Variants in IQGAP2 observed in about 807,000 individuals in gnomAD.
IQGAP2 encodes the protein ras GTPase-activating-like protein IQGAP2.
IQGAP2 carries 173 observed loss-of-function variants against 201.3 expected under a neutral mutation model. That is an observed-to-expected ratio of 0.86 (90% CI 0.76 to 0.98). IQGAP2 has a LOEUF of 0.98. Ranked by LOEUF, IQGAP2 falls within the 50% of genes least tolerant of loss-of-function variation. IQGAP2 has a pLI of 0.00. For missense variants in IQGAP2, 1,687 were observed against 1,864.8 expected (o/e 0.90, Z 1.76); for synonymous variants, 675 against 673.9 (o/e 1.00, Z -0.03).
intron 13 of IQGAP2, chr5:76,623,288 C>T: frequency 6.3e-7 from 1 of 1,583,230 alleles, no homozygotes; most frequent in African/African-American, 1.3e-5. Context: ...TCATGGAGCA[C>T]AATTTCACCT....
At chr5:76,702,335 A>G (rs1747476595) in intron 34 of IQGAP2, 147 bp from the exon 35 acceptor site, 6 of 571,570 alleles carry the variant, frequency 1.0e-5, no homozygotes, top group Non-Finnish European at 1.9e-5. Context: ...TGGGGGAAAG[A>G]TGACGTGAGG....
chr5:76,538,257 G>T (rs1257751082), intron 2 of IQGAP2, among the ~76,000 whole-genome samples: 1 of 152,198 alleles, frequency 6.6e-6, no homozygotes, highest in Non-Finnish European at 1.5e-5. Flanking sequence ...CCGCCTCCAT[G>T]ATCCAATTAC....
intron 31 of IQGAP2, 127 bp downstream of exon 31, chr5:76,693,569 T>G (rs1020819285): frequency 1.4e-5 from 9 of 652,430 alleles, no homozygotes; most frequent in Admixed American, 8.7e-5. Context: ...GAATTTTATC[T>G]ATTACTGCAG....
At chr5:76,661,611 C>A (rs1743255743) in intron 21 of IQGAP2, among the ~76,000 whole-genome samples, 1 of 152,104 alleles carries the variant, frequency 6.6e-6, no homozygotes, top group African/African-American at 2.4e-5. Context: ...TGTTTCTTAA[C>A]CTCTCTCTGA....
At position 76,653,581 on chromosome 5, in the gene IQGAP2, A is replaced by T. The variant is rs530910758; in HGVS notation, c.2179-619A>T. Among the ~76,000 whole-genome samples, 17 of 152,254 alleles carry T rather than the reference A, an allele frequency of 1.1e-4. No homozygotes were observed. The South Asian group carries it at 3.5e-3, about 32-fold the overall frequency. On this transcript the variant is annotated intron_variant, in intron 18 of 35. Transcript: ENST00000274364. ...AGACCAGCCTGGGTAACATAGGGGG[A>T]CCTCATTTGTATTTTAAAAAATAAT...
intron 17 of IQGAP2, among the ~76,000 whole-genome samples, chr5:76,645,249 T>C (rs942355406): frequency 2.0e-5 from 3 of 151,816 alleles, no homozygotes; most frequent in South Asian, 2.1e-4. Flanking sequence ...CAGTCTGTCA[T>C]TGATGGGCAT....
At chr5:76,698,451 T>A (rs1746960466) in intron 33 of IQGAP2, among the ~76,000 whole-genome samples, 1 of 152,200 alleles carries the variant, frequency 6.6e-6, no homozygotes, top group African/African-American at 2.4e-5. Flanking sequence ...AGCCAAAGAT[T>A]TTTTTAAATA....
rs769416675 is a variant in IQGAP2 at position 76,461,620 on chromosome 5, C to A, written c.97C>A (p.Arg33=). The change falls in exon 2 of 36, where the codon CGG becomes AGG. Residue 33 remains arginine (R), a synonymous_variant. Transcript: ENST00000274364. ...TGCAGAGGAGATGGATGAGAGGAGG[C>A]GGCAGAACATTGCTTATGAATATCT... is the stretch of plus-strand genomic sequence containing the variant. ...LSAEEMDERR[R]QNIAYEYLCH... 6.2e-7 allele frequency: 1 copy of A among 1,613,880 alleles called. No homozygotes were observed. Among genetic ancestry groups the A allele is most frequent in the South Asian group, 1.1e-5 (1 of 91,076 alleles).
At chr5:76,488,371 T>C (rs1202633692) in intron 2 of IQGAP2, among the ~76,000 whole-genome samples, 2 of 152,224 alleles carry the variant, frequency 1.3e-5, no homozygotes, top group African/African-American at 4.8e-5. Flanking sequence ...AAATATTCTT[T>C]TTTTAAAAAA....
Position 76,695,602 on chromosome 5 carries a change from T to C in IQGAP2, c.4142T>C (p.Leu1381Ser), listed in dbSNP as rs1746653384. Reference sequence around the variant, plus strand: ...AAAATCCAGAGGAATCTTCGGACGTTGGAACAGACTGGACACGTGTCATCC... The same window carrying C: ...AAAATCCAGAGGAATCTTCGGACGTCGGAACAGACTGGACACGTGTCATCC... ...KRKIQRNLRT[L>S]EQTGHVSSEN... The change falls in exon 32 of 36, where the codon TTG (leucine) becomes TCG (serine). Residue 1381 changes from leucine to serine, a missense_variant. Coordinates refer to ENST00000274364, the MANE Select transcript of IQGAP2 (RefSeq NM_006633.5). 1 of 1,614,198 alleles carries C rather than the reference T, an allele frequency of 6.2e-7. No individual in the cohort carries two copies.
chr5:76,541,454 T>C (rs762319215), intron 2 of IQGAP2, among the ~76,000 whole-genome samples: 3 of 152,230 alleles, frequency 2.0e-5, no homozygotes, highest in Non-Finnish European at 4.4e-5. Context: ...GTGAGTTGTT[T>C]CCATGTTTTG....
chr5:76,529,682 AT>A (rs1210134415), intron 2 of IQGAP2, among the ~76,000 whole-genome samples: 1 of 148,896 alleles, frequency 6.7e-6, no homozygotes. Context: ...AATAATGGTT[AT>A]TTTTAAAGTA....
chr5:76,493,965 G>A (rs1580314943), intron 2 of IQGAP2, among the ~76,000 whole-genome samples: 1 of 152,182 alleles, frequency 6.6e-6, no homozygotes, highest in African/African-American at 2.4e-5. Context: ...ATAATGTGAT[G>A]TAGTATTTGC....
intron 1 of IQGAP2, among the ~76,000 whole-genome samples, chr5:76,430,663 G>A (rs1029853409): frequency 7.9e-5 from 12 of 152,158 alleles, no homozygotes; most frequent in Non-Finnish European, 1.6e-4. Flanking sequence ...TCACTGGAAG[G>A]ACTAAAAAAA....
rs2069642 is a variant in IQGAP2 at position 76,623,860 on chromosome 5, G to A, written c.1522-3550G>A. ...AATGTAATATTGATTTCAGTTTGTC[G>A]TCAGTGCCTGGCCAGAACCTGGCTT... On this transcript the variant is annotated intron_variant, in intron 13 of 35. Coordinates refer to ENST00000274364, the MANE Select transcript of IQGAP2 (RefSeq NM_006633.5). 3.9e-3 allele frequency among the ~76,000 whole-genome samples: 595 copies of A among 151,370 alleles called. 5 individuals carry two copies. Among genetic ancestry groups the A allele is most frequent in the African/African-American group, 0.014 (570 of 41,182 alleles).
intron 4 of IQGAP2, among the ~76,000 whole-genome samples, chr5:76,574,478 C>T (rs1335885220): frequency 6.8e-6 from 1 of 147,984 alleles, no homozygotes; most frequent in African/African-American, 2.6e-5. Flanking sequence ...TAATGTTGGC[C>T]AGGCTGGTTT....
At chr5:76,531,421 T>C (rs1167837988) in intron 2 of IQGAP2, among the ~76,000 whole-genome samples, 1 of 151,992 alleles carries the variant, frequency 6.6e-6, no homozygotes, top group African/African-American at 2.4e-5. Context: ...GCCCAGATAA[T>C]TTTTATTTAT....
At chr5:76,632,305 G>C (rs760749461) in intron 15 of IQGAP2, among the ~76,000 whole-genome samples, 1 of 152,074 alleles carries the variant, frequency 6.6e-6, no homozygotes, top group African/African-American at 2.4e-5. Flanking sequence ...TCATTTATTC[G>C]TGTGAGTAGA....
chr5:76,496,779 TTC>T (rs796878927), intron 2 of IQGAP2, among the ~76,000 whole-genome samples: 34 of 97,576 alleles, frequency 3.5e-4, no homozygotes, highest in African/African-American at 1.6e-3. Flanking sequence ...CTTTCTTTCT[TTC>T]TTTCTTTCTT....
Sources: gnomAD v4.1 joint callset for allele counts (sites outside exome capture counted in the v4.1 genomes callset) on GRCh38, gnomAD v4.1.1 for gene constraint, MANE v1.5 for transcripts, NCBI Gene and HGNC (gene_info 2026-07-23, HGNC 2026-07-21) for gene names.